Variants in REL observed in about 807,000 individuals in gnomAD.
REL encodes the protein proto-oncogene c-Rel.
In REL, 15 loss-of-function variants were observed where a neutral mutation model predicts 45.9. That is an observed-to-expected ratio of 0.33 (90% CI 0.22 to 0.50). REL has a LOEUF of 0.50. REL is among the 20% of genes least tolerant of loss of function. The pLI, the probability that REL is intolerant of heterozygous loss-of-function variation, is 0.98. For missense variants in REL, 601 were observed against 715.2 expected, an observed-to-expected ratio of 0.84 and a Z score of 1.82; for synonymous variants, 239 against 242.1, an observed-to-expected ratio of 0.99 and a Z score of 0.12.
chr2:60,914,342 C>T (rs1453946338), intron 4 of REL, among the ~76,000 whole-genome samples: 1 of 152,090 alleles, frequency 6.6e-6, no homozygotes, highest in Non-Finnish European at 1.5e-5. Context: ...GAAAGTAATT[C>T]TGATGCAGTA....
At chr2:60,888,597 C>G (rs191034491) in intron 1 of REL, among the ~76,000 whole-genome samples, 138 of 152,208 alleles carry the variant, frequency 9.1e-4, no homozygotes, top group Non-Finnish European at 1.3e-3. Context: ...TTGAGTAAAA[C>G]TGAAATAAGG....
chr2:60,899,793 A>G (rs1673448373), intron 3 of REL: 2 of 152,470 alleles, frequency 1.3e-5, no homozygotes, highest in South Asian at 4.1e-4. Context: ...ACCATCGTCT[A>G]TGCTACACAT....
At position 60,918,454 on chromosome 2, in the gene REL, C is replaced by T; in HGVS notation, c.701C>T (p.Ala234Val). Residue 234 changes from alanine (A) to valine (V), a missense_variant, in exon 7 of 10, where the codon GCT (alanine) becomes GTT (valine). This residue lies in a region of REL where 241 missense variants were observed against 347.0 expected (regional missense o/e 0.69). Transcript: ENST00000394479. ...DWEAKGIFSQ[A>V]DVHRQVAIVF... ...GAAGCAAAAGGCATCTTTTCACAAG[C>T]TGATGTACACCGTCAAGTAGCCATT... The T allele has an allele frequency of 6.2e-7, 1 of 1,613,702 alleles. No homozygotes were observed. The highest frequency in any genetic ancestry group is 8.5e-7 in the Non-Finnish European group (1 of 1,179,946).
intron 4 of REL, among the ~76,000 whole-genome samples, chr2:60,909,880 C>G (rs529856062): frequency 1.2e-4 from 18 of 151,714 alleles, no homozygotes; most frequent in African/African-American, 4.1e-4. Flanking sequence ...TCCAGCCTGG[C>G]GACAGAGCAA....
At position 60,913,908 on chromosome 2, in the gene REL, A is replaced by G. The variant is rs185066653; in HGVS notation, c.395-2969A>G. 6.6e-4 allele frequency among the ~76,000 whole-genome samples: 100 copies of G among 152,322 alleles called. 1 individual carries two copies. Among genetic ancestry groups the G allele is most frequent in the African/African-American group, 2.1e-3 (89 of 41,574 alleles). ...ACGTTTACTTTATGCTTTCTTCAGT[A>G]ACTTGTAAAAGTATCTAAATGTTTG... On this transcript the variant is annotated intron_variant, in intron 4 of 9. Transcript: ENST00000394479.
chr2:60,886,641 C>CT (rs1045505567), intron 1 of REL, among the ~76,000 whole-genome samples: 7 of 151,734 alleles, frequency 4.6e-5, no homozygotes, highest in African/African-American at 1.7e-4. Context: ...CAATAATTAG[C>CT]TTTTTTTTCT....
At chr2:60,916,151 G>A (rs975867433) in intron 4 of REL, among the ~76,000 whole-genome samples, 2 of 152,180 alleles carry the variant, frequency 1.3e-5, no homozygotes, top group Admixed American at 6.5e-5. Context: ...AGTGGCTCAC[G>A]CCCATAATCC....
intron 2 of REL, 62 bp downstream of exon 2, chr2:60,891,887 A>C (rs1055068633): frequency 7.1e-7 from 1 of 1,407,180 alleles, no homozygotes; most frequent in Admixed American, 2.5e-5. Context: ...AGCTATAGCA[A>C]TTATTTTAAA....
At chr2:60,906,913 A>ATATATATTTTT (rs1311506982) in intron 4 of REL, among the ~76,000 whole-genome samples, 7 of 104,302 alleles carry the variant, frequency 6.7e-5, no homozygotes, top group African/African-American at 1.6e-4. Flanking sequence ...ATATATATAT[A>ATATATATTTTT]TTTTTTTTTT....
chr2:60,891,723 G>A lies in REL; in HGVS notation c.51G>A (p.Arg17=). 1.2e-6 allele frequency: 2 copies of A among 1,613,968 alleles called. No homozygotes were observed. The highest frequency in any genetic ancestry group is 1.7e-6 in the Non-Finnish European group (2 of 1,179,956). The change falls in exon 2 of 10, where the codon AGG becomes AGA. Residue 17 remains arginine (R), a synonymous_variant. Coordinates refer to ENST00000394479, the MANE Select transcript of REL (RefSeq NM_001291746.2). ...NPYIEIIEQP[R]QRGMRFRYKC... ...ATATAGAGATAATTGAACAACCCAG[G>A]CAGAGGGGAATGCGTTTTAGATACA...
intron 4 of REL, 121 bp downstream of exon 4, chr2:60,901,204 GGAGT>G (rs1023776374): frequency 1.6e-6 from 2 of 1,217,870 alleles, no homozygotes; most frequent in African/African-American, 3.4e-5. Context: ...TCGCCAGGCT[GGAGT>G]GCAATGGCGC....
chr2:60,921,834 T>G lies in REL; in HGVS notation c.1063T>G (p.Tyr355Asp). ...AGGGGTTTCAAGTCAAGCAGAATCC[T>G]ACTATCCCTCACCTGGGCCCATCTC... Reference protein sequence around the residue: ...PTGVSSQAESYYPSPGPISSG... With the variant: ...PTGVSSQAESDYPSPGPISSG... The change falls in exon 10 of 10, where the codon TAC becomes GAC. Residue 355 changes from tyrosine to aspartate, a missense_variant. Around this residue, in one of 4 missense-constraint regions of REL, gnomAD observed 334 missense variants for 333.1 expected, o/e 1.00. Coordinates refer to ENST00000394479, the MANE Select transcript of REL (RefSeq NM_001291746.2). 1 of 1,614,122 alleles carries G rather than the reference T, an allele frequency of 6.2e-7. No homozygotes were observed. The highest frequency in any genetic ancestry group is 2.2e-5 in the East Asian group (1 of 44,882).
intron 1 of REL, among the ~76,000 whole-genome samples, chr2:60,888,208 T>TCC (rs1673117701): frequency 6.6e-6 from 1 of 152,116 alleles, no homozygotes; most frequent in African/African-American, 2.4e-5. Context: ...GGATTACAGG[T>TCC]ATGAGCCACC....
chr2:60,919,637 C>T (rs1558819438), intron 7 of REL, among the ~76,000 whole-genome samples: 1 of 151,954 alleles, frequency 6.6e-6, no homozygotes, highest in Non-Finnish European at 1.5e-5. Flanking sequence ...GTTGGCCAGG[C>T]TGGTCTCAAA....
At position 60,926,673 on chromosome 2, in the gene REL, CTT is replaced by C. The variant is rs963171429; in HGVS notation, c.*4139_*4140del. On this transcript the variant is annotated 3_prime_UTR_variant, in exon 10 of 10. Transcript: ENST00000394479. ...ATGTCCTGATAAACTGGCTCGCTCT[CTT>C]CTTTACCTTCCATAATGGCATTACC... 3.4e-4 allele frequency: 77 copies of C among 228,700 alleles called. No individual in the cohort carries two copies. Among genetic ancestry groups the C allele is most frequent in the African/African-American group, 1.6e-3 (72 of 45,160 alleles). The allele number at this position is 228,700 out of a possible 1,614,324, so 14.2% of individuals were successfully genotyped here.
In REL at chr2:60,922,603, A is replaced by G; in HGVS notation, c.*68A>G. ...TAGATGCAGCATTTTGTATTTGTCT[A>G]ACTGGGGATATAATACTATATTTAT... On this transcript the variant is annotated 3_prime_UTR_variant, in exon 10 of 10. Coordinates refer to ENST00000394479, the MANE Select transcript of REL (RefSeq NM_001291746.2). The G allele has an allele frequency of 6.9e-7, 1 of 1,445,932 alleles. No homozygotes were observed. The allele number at this position is 1,445,932 out of a possible 1,614,324, so 89.6% of individuals were successfully genotyped here. A position where few individuals can be genotyped will look rare whatever the true frequency, so the allele number is the denominator to read the frequency against.
At chr2:60,888,578 C>G (rs1673128564) in intron 1 of REL, among the ~76,000 whole-genome samples, 1 of 152,120 alleles carries the variant, frequency 6.6e-6, no homozygotes, top group African/African-American at 2.4e-5. Flanking sequence ...ATCTGCATAT[C>G]TTATGTTTTT....
intron 2 of REL, among the ~76,000 whole-genome samples, chr2:60,893,896 AT>A (rs766187122): frequency 2.0e-5 from 3 of 152,158 alleles, no homozygotes; most frequent in Non-Finnish European, 4.4e-5. Flanking sequence ...ACTCAATTTG[AT>A]TTATTGCCTA....
chr2:60,894,690 A>C (rs898708173), intron 3 of REL, 145 bp downstream of exon 3: 7 of 545,634 alleles, frequency 1.3e-5, no homozygotes, highest in East Asian at 3.3e-5. Context: ...CATTTTTACT[A>C]TTTGCATTAG....
Sources: gnomAD v4.1 joint callset for allele counts (sites outside exome capture counted in the v4.1 genomes callset) on GRCh38, gnomAD v4.1.1 for gene constraint, gnomAD v4.1.1 regional missense constraint, MANE v1.5 for transcripts, NCBI Gene and HGNC (gene_info 2026-07-23, HGNC 2026-07-21) for gene names.